Variants in SVIL observed in about 807,000 individuals in gnomAD.
SVIL encodes supervillin, also known as archvillin.
A neutral mutation model predicts 240.4 loss-of-function variants in SVIL; 101 were observed. The ratio of observed to expected loss-of-function variants is 0.42; its 90% CI spans 0.36 to 0.50. The LOEUF (loss-of-function observed/expected upper bound fraction) is 0.50. Among genes scored for constraint, SVIL ranks in the 20% least tolerant of loss-of-function variants. SVIL has a pLI of 0.01. For synonymous variants in SVIL, 999 were observed against 1,100.0 expected (o/e 0.91, Z 1.82); for missense variants, 2,512 against 2,818.7 (o/e 0.89, Z 2.46).
chr10:29,622,535 G>T (rs1008820259), intron 1 of SVIL, among the ~76,000 whole-genome samples: 1 of 152,116 alleles, frequency 6.6e-6, no homozygotes, highest in Non-Finnish European at 1.5e-5. Context: ...GGCACAGTTC[G>T]CTGGGTAATC....
intron 1 of SVIL, among the ~76,000 whole-genome samples, chr10:29,613,442 T>C (rs759584942): frequency 3.7e-4 from 56 of 152,024 alleles, no homozygotes; most frequent in Non-Finnish European, 6.9e-4. Flanking sequence ...AAGCAATGCT[T>C]CTGCCTCAGC....
Position 29,486,162 on chromosome 10 carries a change from G to A in SVIL, c.4702C>T (p.Leu1568Phe), listed in dbSNP as rs746883905. ...AIIETNCIYR[L>F]MDDKLVPDDD... Reference sequence around the variant, plus strand: ...TCAGGAACAAGTTTGTCATCCATGAGACGGTAAATGCAGTTAGTTTCTATT... The same window carrying A: ...TCAGGAACAAGTTTGTCATCCATGAAACGGTAAATGCAGTTAGTTTCTATT... Residue 1568 changes from leucine to phenylalanine, a missense_variant, in exon 26 of 38, where the codon CTC becomes TTC. By Grantham distance (22) the Leu-to-Phe change is conservative. Transcript: ENST00000355867. 1.3e-5 allele frequency: 21 copies of A among 1,614,204 alleles called. 1 individual carries two copies. The highest frequency in any genetic ancestry group is 7.7e-5 in the South Asian group (7 of 91,078).
In SVIL at chr10:29,587,103, C is replaced by G. The variant is rs543706027; in HGVS notation, c.-200-17791G>C. On this transcript the variant is annotated intron_variant, in intron 1 of 37. Coordinates refer to ENST00000355867, the MANE Select transcript of SVIL (RefSeq NM_021738.3). ...CCGTAGAATAAGCCCTGATACAGAA[C>G]TGAACACACAAGCTACGCAGTGAAG... Among the ~76,000 whole-genome samples the G allele has an allele frequency of 2.0e-5, 3 of 152,346 alleles. No homozygotes were observed. In the South Asian group the frequency reaches 6.2e-4, roughly 32 times the overall value.
intron 1 of SVIL, among the ~76,000 whole-genome samples, chr10:29,612,922 A>T (rs769468150): frequency 1.5e-4 from 23 of 152,126 alleles, no homozygotes; most frequent in Non-Finnish European, 2.8e-4. Context: ...TCACGCTTGT[A>T]ATCCCAGCGC....
chr10:29,516,402 T>C (rs1950203284), intron 16 of SVIL, among the ~76,000 whole-genome samples: 1 of 151,932 alleles, frequency 6.6e-6, no homozygotes, highest in Non-Finnish European at 1.5e-5. Flanking sequence ...AAAACTTGAG[T>C]GTGTTCTTCC....
Position 29,522,461 on chromosome 10 carries a change from G to C in SVIL, c.3338C>G (p.Thr1113Arg). The change falls in exon 16 of 38, where the codon ACA (threonine) becomes AGA (arginine). Residue 1113 changes from threonine (T) to arginine (R), a missense_variant. Thr to Arg is a moderately conservative substitution (Grantham distance 71, BLOSUM62 -1). Around this residue, in one of 3 missense-constraint regions of SVIL, gnomAD observed 1,443 missense variants for 1,486.6 expected, o/e 0.97. Transcript: ENST00000355867. ...GGGTGAGTCAAGAAGGCCCTCCCCT[G>C]TCGGCGTTTTGATCTCTCCAGCAGC... Reference protein sequence around the residue: ...MFAAGEIKTPTGEGLLDSPSK... With the variant: ...MFAAGEIKTPRGEGLLDSPSK... 2 of 1,614,158 alleles carry C rather than the reference G, an allele frequency of 1.2e-6. No individual in the cohort carries two copies. The highest frequency in any genetic ancestry group is 4.5e-5 in the East Asian group (2 of 44,886).
chr10:29,522,203 GGC>G (rs1469824147), intron 16 of SVIL, among the ~76,000 whole-genome samples: 2 of 152,046 alleles, frequency 1.3e-5, no homozygotes, highest in Non-Finnish European at 2.9e-5. Context: ...GTCCAAACCA[GGC>G]TCATTACCAA....
intron 1 of SVIL, among the ~76,000 whole-genome samples, chr10:29,721,715 C>G (rs541233797): frequency 6.6e-6 from 1 of 152,130 alleles, no homozygotes; most frequent in Non-Finnish European, 1.5e-5. Context: ...ATACATGAAG[C>G]AAAAACTGAC....
At chr10:29,517,739 C>A (rs1233822484) in intron 16 of SVIL, among the ~76,000 whole-genome samples, 6 of 152,210 alleles carry the variant, frequency 3.9e-5, no homozygotes, top group South Asian at 2.1e-4. Context: ...TAAGTCCTTA[C>A]ATGCCACCAA....
intron 6 of SVIL, among the ~76,000 whole-genome samples, chr10:29,541,471 GGTTACAGA>G (rs1215447453): frequency 6.6e-6 from 1 of 152,104 alleles, no homozygotes; most frequent in Non-Finnish European, 1.5e-5. Context: ...GTCATCGTTG[GGTTACAGA>G]GTAAGGACTT....
At chr10:29,498,819 T>TA (rs1326050597) in intron 18 of SVIL, among the ~76,000 whole-genome samples, 6 of 152,058 alleles carry the variant, frequency 3.9e-5, no homozygotes, top group African/African-American at 1.4e-4. Flanking sequence ...CATTTCTACA[T>TA]AAAAATTTTT....
At chr10:29,570,830 G>T (rs1250106262) in intron 1 of SVIL, among the ~76,000 whole-genome samples, 1 of 152,200 alleles carries the variant, frequency 6.6e-6, no homozygotes, top group African/African-American at 2.4e-5. Flanking sequence ...AACTCAATTA[G>T]ATATTTAAAG....
chr10:29,562,693 G>A (rs970291924), intron 3 of SVIL, among the ~76,000 whole-genome samples: 11 of 151,400 alleles, frequency 7.3e-5, no homozygotes, highest in African/African-American at 2.7e-4. Flanking sequence ...CCTGGGAGGC[G>A]GAAGTTGCGG....
intron 1 of SVIL, among the ~76,000 whole-genome samples, chr10:29,597,629 AC>A (rs755320832): frequency 2.6e-5 from 4 of 151,806 alleles, no homozygotes; most frequent in Non-Finnish European, 4.4e-5. Context: ...CGAACTCCTG[AC>A]CTCAAGTGAT....
chr10:29,618,722 A>AT (rs562652299), intron 1 of SVIL, among the ~76,000 whole-genome samples: 2,262 of 146,034 alleles, frequency 0.015, 20 homozygotes, highest in Middle Eastern at 0.029. Flanking sequence ...CTTGCAGCAG[A>AT]TTTTTTTTTT....
At position 29,458,220 on chromosome 10, in the gene SVIL, C is replaced by T. The variant is rs367786470; in HGVS notation, c.*27G>A. 19 of 1,608,946 alleles carry T rather than the reference C, an allele frequency of 1.2e-5. No homozygotes were observed. In the East Asian group the frequency reaches 1.3e-4, roughly 11 times the overall value. ...GTGCAGTGGTGTTGTTGGACGTGAC[C>T]GTGAGGCTCCTCTGGCGTCTCCCCA... is the stretch of plus-strand genomic sequence containing the variant. On this transcript the variant is annotated 3_prime_UTR_variant, in exon 38 of 38. Coordinates refer to ENST00000355867, the MANE Select transcript of SVIL (RefSeq NM_021738.3).
intron 1 of SVIL, among the ~76,000 whole-genome samples, chr10:29,598,847 T>C (rs1435716926): frequency 6.6e-6 from 1 of 151,958 alleles, no homozygotes. Flanking sequence ...TGGACTCTGG[T>C]TGAGGAAAGA....
At chr10:29,675,043 A>T (rs1960094307) in intron 2 of SVIL, among the ~76,000 whole-genome samples, 1 of 152,176 alleles carries the variant, frequency 6.6e-6, no homozygotes, top group Non-Finnish European at 1.5e-5. Context: ...ATATAACTGA[A>T]CATATTCACA....
chr10:29,486,910 T>C (rs987454944), intron 24 of SVIL, among the ~76,000 whole-genome samples: 13 of 152,166 alleles, frequency 8.5e-5, no homozygotes, highest in Non-Finnish European at 1.9e-4. Flanking sequence ...GGCCGCTTCC[T>C]TTTTTACACA....
Sources: allele counts gnomAD v4.1 joint callset (sites outside exome capture counted in the v4.1 genomes callset), GRCh38; gene constraint gnomAD v4.1.1; regional missense constraint gnomAD v4.1.1; transcripts MANE v1.5; gene names NCBI Gene and HGNC (gene_info 2026-07-23, HGNC 2026-07-21).